The following ZBTB38 variants were observed in gnomAD, a reference collection of about 807,000 sequenced individuals.
ZBTB38 encodes zinc finger and BTB domain-containing protein 38.
A neutral mutation model predicts 76.8 loss-of-function variants in ZBTB38; 20 were observed. The observed-to-expected ratio is 0.26, with a 90% CI of 0.18 to 0.38. ZBTB38 has a LOEUF of 0.38. ZBTB38 is among the 10% of genes least tolerant of loss of function. The pLI, the probability that ZBTB38 is intolerant of heterozygous loss-of-function variation, is 1.00. For synonymous variants in ZBTB38, 504 were observed against 544.2 expected, an observed-to-expected ratio of 0.93 and a Z score of 1.03; for missense variants, 1,082 against 1,482.3, an observed-to-expected ratio of 0.73 and a Z score of 4.43.
chr3:141,436,583 C>T (rs771077541), intron 5 of ZBTB38, among the ~76,000 whole-genome samples: 1 of 152,112 alleles, frequency 6.6e-6, no homozygotes, highest in Non-Finnish European at 1.5e-5. Flanking sequence ...CTGCAACCTC[C>T]GCCTCCCAGG....
chr3:141,383,254 A>G (rs1321540383), intron 3 of ZBTB38, among the ~76,000 whole-genome samples: 2 of 152,228 alleles, frequency 1.3e-5, no homozygotes, highest in African/African-American at 4.8e-5. Flanking sequence ...TCATTTGTAA[A>G]TTAAATCACC....
chr3:141,357,009 T>C (rs180867202), intron 1 of ZBTB38, among the ~76,000 whole-genome samples: 1 of 152,322 alleles, frequency 6.6e-6, no homozygotes, highest in African/African-American at 2.4e-5. Context: ...ATGTATAATA[T>C]ATGTTATAAA....
Position 141,449,099 on chromosome 3 carries a change from G to A in ZBTB38, c.*3123G>A, listed in dbSNP as rs1170182068. ...ACCAGAATTCGACCTCATTATCCTC[G>A]TTTTATAGTGACTTTGAGAAGGTCT... is the stretch of plus-strand genomic sequence containing the variant. On this transcript the variant is annotated 3_prime_UTR_variant, in exon 6 of 6. Transcript: ENST00000321464. 2.6e-5 allele frequency: 4 copies of A among 152,152 alleles called. No homozygotes were observed. Among genetic ancestry groups the A allele is most frequent in the Admixed American group, 6.5e-5 (1 of 15,274 alleles). The allele number at this position is 152,152 out of a possible 1,614,324, so 9.4% of individuals were successfully genotyped here.
chr3:141,426,079 T>A (rs1447537130), intron 5 of ZBTB38: 19 of 1,197,140 alleles, frequency 1.6e-5, no homozygotes, highest in Non-Finnish European at 1.9e-5. Flanking sequence ...GGGACATTGT[T>A]GCATTTGTTT....
chr3:141,340,967 AAAG>A (rs753110555), intron 1 of ZBTB38, among the ~76,000 whole-genome samples: 1 of 99,418 alleles, frequency 1.0e-5, no homozygotes, highest in African/African-American at 5.6e-5. Context: ...AGAAAGAAAG[AAAG>A]AAAGAAAGAA....
rs543968848 is a variant in ZBTB38 at position 141,409,982 on chromosome 3, C to T, written c.-1+5951C>T. ...CATTCGTGAGAATCCAGAGGGGAGGCCTAGGAATTGTTCCCAGCATGACTT... is the reference window on the plus strand; with the variant it reads ...CATTCGTGAGAATCCAGAGGGGAGGTCTAGGAATTGTTCCCAGCATGACTT... On this transcript the variant is annotated intron_variant, in intron 5 of 5. Coordinates refer to ENST00000321464, the MANE Select transcript of ZBTB38 (RefSeq NM_001376113.1). Among the ~76,000 whole-genome samples, 40 of 152,282 alleles carry T rather than the reference C, an allele frequency of 2.6e-4. No homozygotes were observed. The East Asian group carries it at 2.7e-3, about 10-fold the overall frequency.
rs372368729 is a variant in ZBTB38, at chr3:141,445,007, G to C, written c.2619G>C (p.Glu873Asp). ...GRRPKYQMQE[E>D]PLPQGNDPEP... ...GACCCAAGTATCAGATGCAGGAGGAGCCTTTGCCACAGGGGAATGACCCAG... is the reference window on the plus strand; with the variant it reads ...GACCCAAGTATCAGATGCAGGAGGACCCTTTGCCACAGGGGAATGACCCAG... Residue 873 changes from glutamate to aspartate, a missense_variant, in exon 6 of 6, where the codon GAG becomes GAC. Around this residue, in one of 8 missense-constraint regions of ZBTB38, gnomAD observed 471 missense variants for 581.0 expected, o/e 0.81. Coordinates refer to ENST00000321464, the MANE Select transcript of ZBTB38 (RefSeq NM_001376113.1). The surrounding 1 kb of genome is among the most constrained non-coding windows in gnomAD (Gnocchi z 6.5). 59 of 1,614,076 alleles carry C rather than the reference G, an allele frequency of 3.7e-5. No homozygotes were observed. The highest frequency in any genetic ancestry group is 4.7e-5 in the Non-Finnish European group (55 of 1,180,038).
chr3:141,383,811 C>T (rs1020755133), intron 3 of ZBTB38: 3 of 152,140 alleles, frequency 2.0e-5, no homozygotes, highest in South Asian at 2.1e-4. Flanking sequence ...GTGTTTGACT[C>T]GTCAAAGTGG....
intron 4 of ZBTB38, among the ~76,000 whole-genome samples, chr3:141,401,708 G>T (rs191290933): frequency 1.3e-5 from 2 of 150,686 alleles, no homozygotes; most frequent in African/African-American, 4.9e-5. Context: ...TCCATTATTC[G>T]TGCATTAGCT....
In ZBTB38 at chr3:141,369,947, G is replaced by T. The variant is rs1015663394; in HGVS notation, c.-235+1G>T. 1 of 152,158 alleles carries T rather than the reference G, an allele frequency of 6.6e-6. No individual in the cohort carries two copies. Among genetic ancestry groups the T allele is most frequent in the South Asian group, 2.1e-4 (1 of 4,828 alleles). The allele number at this position is 152,158 out of a possible 1,614,324, so 9.4% of individuals were successfully genotyped here. A position where few individuals can be genotyped will look rare whatever the true frequency, so the allele number is the denominator to read the frequency against. ...TCTGAATGTTGTGACCACTAATTTG[G>T]TAAGTGTCATTTGTCCCCAACAGCT... On this transcript the variant is annotated splice_donor_variant, in intron 2 of 5. Transcript: ENST00000321464. LOFTEE classifies it low-confidence loss of function (5UTR_SPLICE).
intron 3 of ZBTB38, 46 bp downstream of exon 3, chr3:141,381,533 C>A (rs150579729): frequency 1.3e-5 from 2 of 152,188 alleles, no homozygotes; most frequent in Admixed American, 1.3e-4. Context: ...AATGGATGGA[C>A]GTGAGGATGC....
chr3:141,431,321 C>T (rs1475752588), intron 5 of ZBTB38, among the ~76,000 whole-genome samples: 3 of 75,610 alleles, frequency 4.0e-5, no homozygotes, highest in Non-Finnish European at 7.4e-5. Flanking sequence ...GAGACTTCGT[C>T]TCAAAAAAAA....
chr3:141,417,247 C>T (rs1255089380), intron 5 of ZBTB38, among the ~76,000 whole-genome samples: 1 of 152,210 alleles, frequency 6.6e-6, no homozygotes, highest in South Asian at 2.1e-4. Flanking sequence ...ACGTTTGCAA[C>T]CACCTCCCAT....
chr3:141,347,318 A>G (rs1943391960), intron 1 of ZBTB38, among the ~76,000 whole-genome samples: 1 of 152,212 alleles, frequency 6.6e-6, no homozygotes, highest in Non-Finnish European at 1.5e-5. Flanking sequence ...CAGAGGAGCA[A>G]TAGTTTATGG....
In ZBTB38 at chr3:141,432,153, G is replaced by A. The variant is rs978048993; in HGVS notation, c.1-10236G>A. The A allele has an allele frequency of 1.0e-5, 10 of 985,352 alleles. No homozygotes were observed. The African/African-American group carries it at 1.6e-4, about 15-fold the overall frequency. The allele number at this position is 985,352 out of a possible 1,614,324, so 61.0% of individuals were successfully genotyped here. On this transcript the variant is annotated intron_variant, in intron 5 of 5. Coordinates refer to ENST00000321464, the MANE Select transcript of ZBTB38 (RefSeq NM_001376113.1). ...CCTTTGTCGGAAAACTTTCCGCAGG[G>A]AATAACAGACCTGCGCAGTAGATTT...
At chr3:141,407,839 A>G (rs1559941345) in intron 5 of ZBTB38, among the ~76,000 whole-genome samples, 1 of 152,258 alleles carries the variant, frequency 6.6e-6, no homozygotes, top group Non-Finnish European at 1.5e-5. Flanking sequence ...CAAAATTTTT[A>G]TATCATTAAT....
At chr3:141,377,749 C>T (rs1945591821) in intron 2 of ZBTB38, among the ~76,000 whole-genome samples, 1 of 152,178 alleles carries the variant, frequency 6.6e-6, no homozygotes, top group African/African-American at 2.4e-5. Flanking sequence ...TACATCCACA[C>T]CTTGAAATAC....
At chr3:141,357,350 T>TA (rs1342357377) in intron 1 of ZBTB38, among the ~76,000 whole-genome samples, 1 of 152,218 alleles carries the variant, frequency 6.6e-6, no homozygotes, top group African/African-American at 2.4e-5. Flanking sequence ...CAACAGTGTT[T>TA]ATGGTGTCTT....
At chr3:141,342,725 CTTTTTTTTTTTTTT>C (rs60578286) in intron 1 of ZBTB38, among the ~76,000 whole-genome samples, 407 of 108,824 alleles carry the variant, frequency 3.7e-3, no homozygotes, top group African/African-American at 0.012. Context: ...GTCCCATGAT[CTTTTTTTTTTTTTT>C]TTTTTTTTAA....
Sources: gnomAD v4.1 joint callset for allele counts (sites outside exome capture counted in the v4.1 genomes callset) on GRCh38, gnomAD v4.1.1 for gene constraint, gnomAD v4.1.1 regional missense constraint, Gnocchi (gnomAD v3.1) non-coding constraint, MANE v1.5 for transcripts, NCBI Gene and HGNC (gene_info 2026-07-23, HGNC 2026-07-21) for gene names.